The following ITGAX variants were observed in gnomAD, a reference collection of about 807,000 sequenced individuals.
ITGAX encodes the protein integrin subunit alpha X, also known as integrin alpha-X.
Under a neutral mutation model 140.2 loss-of-function variants are expected in ITGAX, and 99 were observed. The observed-to-expected ratio is 0.71, with a 90% CI of 0.60 to 0.83. The LOEUF is 0.83. Ranked by LOEUF, ITGAX falls within the 40% of genes least tolerant of loss-of-function variation. The pLI is 0.00. For missense variants in ITGAX, 1,444 were observed against 1,482.0 expected (o/e 0.97, Z 0.42); for synonymous variants, 631 against 600.4 (o/e 1.05, Z -0.75).
rs369769686 is a variant in ITGAX, at chr16:31,361,895, G to C, written c.1072G>C (p.Ala358Pro). The change falls in exon 10 of 30, where the codon GCT (alanine) becomes CCT (proline). Residue 358 changes from alanine (A) to proline (P), a missense_variant. By Grantham distance (27) the Ala-to-Pro change is conservative (BLOSUM62 -1). Transcript: ENST00000268296. Reference sequence around the variant, plus strand: ...GGAGATGGCACAGGAGGGCTTCAGCGCTGTGTTCACACCTGTGAGTGGGGC... The same window carrying C: ...GGAGATGGCACAGGAGGGCTTCAGCCCTGTGTTCACACCTGTGAGTGGGGC... ...ELEMAQEGFS[A>P]VFTPDGPVLG... The C allele has an allele frequency of 6.2e-6, 10 of 1,613,878 alleles. No homozygotes were observed. Among genetic ancestry groups the C allele is most frequent in the Middle Eastern group, 1.6e-4 (1 of 6,084 alleles).
Position 31,379,879 on chromosome 16 carries a change from C to A in ITGAX, c.2976+15C>A, listed in dbSNP as rs970804470. 6.2e-7 allele frequency: 1 copy of A among 1,612,196 alleles called. No individual in the cohort carries two copies. The stretch of plus-strand genomic sequence containing the variant: ...CCCACCCCCAGGTACCCAAGGACTG[C>A]ATGTGGCTCCTCCACGAATGCCCTT... On this transcript the variant is annotated intron_variant, in intron 25 of 29. Coordinates refer to ENST00000268296, the MANE Select transcript of ITGAX (RefSeq NM_000887.5).
chr16:31,372,601 C>G lies in ITGAX; in HGVS notation c.2297C>G (p.Pro766Arg). Residue 766 changes from proline to arginine, a missense_variant, in exon 19 of 30, where the codon CCC (proline) becomes CGC (arginine). Coordinates refer to ENST00000268296, the MANE Select transcript of ITGAX (RefSeq NM_000887.5). ...CCCCGTTGCCTTCCCACGCAGCTACCCTTTGAGAAGAACTGTGGAGCCGAC... is the reference window on the plus strand; with the variant it reads ...CCCCGTTGCCTTCCCACGCAGCTACGCTTTGAGAAGAACTGTGGAGCCGAC... ...DAQRYFTASL[P>R]FEKNCGADHI... 1.9e-6 allele frequency: 3 copies of G among 1,614,168 alleles called. No individual in the cohort carries two copies. The highest frequency in any genetic ancestry group is 2.5e-6 in the Non-Finnish European group (3 of 1,179,998).
rs761480055 is a variant in ITGAX at position 31,357,267 on chromosome 16, C to T, written c.333C>T (p.Thr111=). 20 of 1,605,306 alleles carry T rather than the reference C, an allele frequency of 1.2e-5. No homozygotes were observed. The highest frequency in any genetic ancestry group is 5.1e-5 in the Admixed American group (3 of 59,216). ...TGTGTCCCCAGGCCTGCGGCCCCAC[C>T]GTGCACCACGAGTGCGGGAGGAACA... ...SPSQLLACGP[T]VHHECGRNMY... Residue 111 remains threonine (T), a synonymous_variant, in exon 5 of 30, where the codon ACC becomes ACT. Coordinates refer to ENST00000268296, the MANE Select transcript of ITGAX (RefSeq NM_000887.5).
intron 6 of ITGAX, 33 bp downstream of exon 6, chr16:31,359,863 T>A: frequency 6.2e-7 from 1 of 1,613,640 alleles, no homozygotes; most frequent in Non-Finnish European, 8.5e-7. Flanking sequence ...CTGCTGGGGG[T>A]GGGTGCTTCG....
chr16:31,372,741 G>A (rs947559800), intron 19 of ITGAX, 71 bp downstream of exon 19: 3 of 1,410,660 alleles, frequency 2.1e-6, no homozygotes, highest in Admixed American at 1.8e-5. Context: ...TCCTGCCTCT[G>A]GCTCTCCCTA....
At chr16:31,376,718 T>A in intron 20 of ITGAX, 81 bp from the exon 21 acceptor site, 1 of 1,286,232 alleles carries the variant, frequency 7.8e-7, no homozygotes. Flanking sequence ...TGCTGTTATA[T>A]TAGGTTGGTG....
In ITGAX at chr16:31,381,886, C is replaced by T; in HGVS notation, c.3471C>T (p.Pro1157=). The change falls in exon 30 of 30, where the codon CCC becomes CCT. Residue 1157 remains proline, a synonymous_variant. Transcript: ENST00000268296. The part of the protein sequence containing the change: ...QIAPENGTQT[P]SPPSEK ...CCCCAGAAAACGGGACACAGACCCCCAGCCCGCCCAGTGAGAAATGATCCC... is the reference window on the plus strand; with the variant it reads ...CCCCAGAAAACGGGACACAGACCCCTAGCCCGCCCAGTGAGAAATGATCCC... 1.1e-6 allele frequency: 1 copy of T among 896,120 alleles called. No homozygotes were observed. The highest frequency in any genetic ancestry group is 1.9e-6 in the Non-Finnish European group (1 of 523,090). 55.5% of individuals were successfully genotyped at this position (896,120 alleles called of 1,614,324 possible). A position where few individuals can be genotyped will look rare whatever the true frequency, so the allele number is the denominator to read the frequency against.
chr16:31,366,235 T>A (rs1266441482), intron 14 of ITGAX, among the ~76,000 whole-genome samples: 2 of 152,254 alleles, frequency 1.3e-5, no homozygotes, highest in Non-Finnish European at 2.9e-5. Context: ...GTTTCAAACT[T>A]TTTTGTAATT....
Position 31,373,340 on chromosome 16 carries a change from A to G in ITGAX, c.2458A>G (p.Thr820Ala), listed in dbSNP as rs267604521. ...GGAAGACTCCTACGGAACCACCATC[A>G]CCTTCTCCCACCCCGCAGGACTGTC... ...DGEDSYGTTI[T>A]FSHPAGLSYR... Residue 820 changes from threonine to alanine, a missense_variant, in exon 20 of 30, where the codon ACC becomes GCC. Coordinates refer to ENST00000268296, the MANE Select transcript of ITGAX (RefSeq NM_000887.5). 9 of 1,613,402 alleles carry G rather than the reference A, an allele frequency of 5.6e-6. No homozygotes were observed. The highest frequency in any genetic ancestry group is 3.3e-5 in the Admixed American group (2 of 59,982).
At position 31,372,326 on chromosome 16, in the gene ITGAX, G is replaced by A. The variant is rs533170424; in HGVS notation, c.2161-52G>A. On this transcript the variant is annotated intron_variant, in intron 17 of 29. Coordinates refer to ENST00000268296, the MANE Select transcript of ITGAX (RefSeq NM_000887.5). ...ATAAGAACTGCGGATGAGGCCGAGC[G>A]CAGCTCTTACCCTCCCCTTACCCTC... 2.0e-5 allele frequency: 32 copies of A among 1,567,678 alleles called. No homozygotes were observed. In the East Asian group the frequency reaches 3.4e-4, roughly 17 times the overall value.
rs117735350 is a variant in ITGAX at position 31,382,412 on chromosome 16, G to A, written c.*505G>A. On this transcript the variant is annotated 3_prime_UTR_variant, in exon 30 of 30. Coordinates refer to ENST00000268296, the MANE Select transcript of ITGAX (RefSeq NM_000887.5). ...AGGCACACGCCACCTCGCCCGGCCCGATCTTTCTAAAATACAGTTCTGAAT... is the reference window on the plus strand; with the variant it reads ...AGGCACACGCCACCTCGCCCGGCCCAATCTTTCTAAAATACAGTTCTGAAT... 3.6e-4 allele frequency: 552 copies of A among 1,533,568 alleles called. 6 individuals carry two copies. In the East Asian group the frequency reaches 0.01, roughly 28 times the overall value. The allele number at this position is 1,533,568 out of a possible 1,614,324, so 95.0% of individuals were successfully genotyped here.
rs1218143093 is a variant in ITGAX, at chr16:31,356,737, C to T, written c.247+9C>T. 9 of 1,561,872 alleles carry T rather than the reference C, an allele frequency of 5.8e-6. No homozygotes were observed. The East Asian group carries it at 1.8e-4, about 32-fold the overall frequency. On this transcript the variant is annotated intron_variant, in intron 3 of 29. Coordinates refer to ENST00000268296, the MANE Select transcript of ITGAX (RefSeq NM_000887.5). ...GCCCATCGGCCTGCAGGGTGAGTCA[C>T]CGCCCCTCCCGGGACCCAGGGCCGG...
At position 31,362,667 on chromosome 16, in the gene ITGAX, C is replaced by G; in HGVS notation, c.1273C>G (p.Pro425Ala). The G allele has an allele frequency of 6.2e-7, 1 of 1,613,678 alleles. No homozygotes were observed. The change falls in exon 12 of 30, where the codon CCC becomes GCC. Residue 425 changes from proline to alanine, a missense_variant. Pro to Ala is a conservative substitution (Grantham distance 27). Coordinates refer to ENST00000268296, the MANE Select transcript of ITGAX (RefSeq NM_000887.5). ...GGTGCAGAGCCTGGTCCTGGGGGCC[C>G]CCCGCTACCAGCACACCGGGAAGGC... is the stretch of plus-strand genomic sequence containing the variant. ...KGVQSLVLGAPRYQHTGKAVI... is the reference protein window; with the variant it reads ...KGVQSLVLGAARYQHTGKAVI...
intron 8 of ITGAX, chr16:31,360,690 CT>C: frequency 3.7e-6 from 2 of 547,666 alleles, no homozygotes; most frequent in East Asian, 3.2e-5. Context: ...TGGCTATTTT[CT>C]TTTTGGTTGA....
intron 23 of ITGAX, among the ~76,000 whole-genome samples, 161 bp downstream of exon 23, chr16:31,377,426 C>T (rs1347140869): frequency 6.6e-6 from 1 of 152,176 alleles, no homozygotes; most frequent in African/African-American, 2.4e-5. Flanking sequence ...CAATGCCTTC[C>T]TCGAATTTGC....
At chr16:31,373,130 AG>A in intron 19 of ITGAX, 118 bp from the exon 20 acceptor site, 2 of 674,522 alleles carry the variant, frequency 3.0e-6, no homozygotes, top group East Asian at 8.4e-5. Flanking sequence ...AAGAAGAAGA[AG>A]AACCCAGGGG....
chr16:31,372,139 A>C (rs989735495), intron 17 of ITGAX, among the ~76,000 whole-genome samples: 1 of 150,654 alleles, frequency 6.6e-6, no homozygotes, highest in Non-Finnish European at 1.5e-5. Context: ...TAGGTGGCCA[A>C]AACAGTCATT....
intron 7 of ITGAX, 67 bp from the exon 8 acceptor site, chr16:31,360,243 T>C: frequency 6.5e-7 from 1 of 1,536,238 alleles, no homozygotes; most frequent in South Asian, 1.3e-5. Flanking sequence ...CTTCTAATTT[T>C]CACAAGGGCA....
chr16:31,357,288 G>T lies in ITGAX; in HGVS notation c.354G>T (p.Arg118Ser). ...CCACCGTGCACCACGAGTGCGGGAG[G>T]AACATGTACCTCACCGGACTCTGCT... ...CGPTVHHECG[R>S]NMYLTGLCFL... Residue 118 changes from arginine (R) to serine (S), a missense_variant, in exon 5 of 30, where the codon AGG (arginine) becomes AGT (serine). Coordinates refer to ENST00000268296, the MANE Select transcript of ITGAX (RefSeq NM_000887.5). 6.2e-7 allele frequency: 1 copy of T among 1,608,694 alleles called. No homozygotes were observed. The highest frequency in any genetic ancestry group is 8.5e-7 in the Non-Finnish European group (1 of 1,178,208).
Sources: gnomAD v4.1 joint callset for allele counts (sites outside exome capture counted in the v4.1 genomes callset) on GRCh38, gnomAD v4.1.1 for gene constraint, MANE v1.5 for transcripts, NCBI Gene and HGNC (gene_info 2026-07-23, HGNC 2026-07-21) for gene names.